Variants in SEC14L4 observed in about 807,000 individuals in gnomAD.
The protein encoded by SEC14L4 is SEC14-like protein 4.
Under a neutral mutation model 55.1 loss-of-function variants are expected in SEC14L4, and 42 were observed. The ratio of observed to expected loss-of-function variants is 0.76; its 90% CI spans 0.60 to 0.99. The LOEUF (loss-of-function observed/expected upper bound fraction) is 0.99, where lower values mean the gene tolerates loss of function less well. SEC14L4 is among the 50% of genes least tolerant of loss of function. The probability of loss-of-function intolerance (pLI) is 0.00; values close to 1 mark genes in which losing one functional copy is unlikely to be tolerated. For missense variants in SEC14L4, 445 were observed against 512.1 expected (o/e 0.87, Z 1.27); for synonymous variants, 206 against 206.8 (o/e 1.00, Z 0.03).
intron 6 of SEC14L4, 90 bp from the exon 7 acceptor site, chr22:30,494,300 G>A: frequency 1.0e-6 from 1 of 972,210 alleles, no homozygotes; most frequent in Non-Finnish European, 1.7e-6. Flanking sequence ...TGAGACAAGA[G>A]GCCCATCCCT....
chr22:30,497,611 A>T (rs1469751766), intron 2 of SEC14L4, among the ~76,000 whole-genome samples: 1 of 151,960 alleles, frequency 6.6e-6, no homozygotes, highest in African/African-American at 2.4e-5. Flanking sequence ...CACAGAAGAC[A>T]TTACCATTCC....
chr22:30,501,842 C>T (rs112594539), intron 2 of SEC14L4, among the ~76,000 whole-genome samples: 9 of 66,870 alleles, frequency 1.3e-4, no homozygotes, highest in Admixed American at 2.2e-4. Flanking sequence ...TACACACACA[C>T]GCACATATAT....
At position 30,504,463 on chromosome 22, in the gene SEC14L4, CAAGT is replaced by C. The variant is rs1394380899; in HGVS notation, c.55-715_55-712del. Among the ~76,000 whole-genome samples, 4 of 152,268 alleles carry C rather than the reference CAAGT, an allele frequency of 2.6e-5. No homozygotes were observed. In the East Asian group the frequency reaches 7.7e-4, roughly 29 times the overall value. ...CATCTTGAGGGTTTAGATTTAGAGGCAAGTTACCAAACCTCTCTAAGCCTCAGTT... is the reference window on the plus strand; with the variant it reads ...CATCTTGAGGGTTTAGATTTAGAGGCTACCAAACCTCTCTAAGCCTCAGTT... On this transcript the variant is annotated intron_variant, in intron 1 of 11. Coordinates refer to ENST00000255858, the MANE Select transcript of SEC14L4 (RefSeq NM_174977.4).
In SEC14L4 at chr22:30,495,652, C is replaced by T; in HGVS notation, c.175-10G>A. The T allele has an allele frequency of 6.2e-7, 1 of 1,614,012 alleles. No individual in the cohort carries two copies. On this transcript the variant is annotated splice_polypyrimidine_tract_variant and intron_variant, in intron 3 of 11. Coordinates refer to ENST00000255858, the MANE Select transcript of SEC14L4 (RefSeq NM_174977.4). The stretch of plus-strand genomic sequence containing the variant: ...TCCGGAACTCCATGTGCTGCAGGAA[C>T]ACAGCAGGAGCTATAGGATTTTGCA...
intron 2 of SEC14L4, among the ~76,000 whole-genome samples, chr22:30,496,730 T>C (rs1464437937): frequency 6.6e-6 from 1 of 152,224 alleles, no homozygotes; most frequent in Admixed American, 6.5e-5. Flanking sequence ...ATGAGAACAC[T>C]ATCTGTTTCA....
intron 4 of SEC14L4, 56 bp downstream of exon 4, chr22:30,495,527 G>C: frequency 6.2e-7 from 1 of 1,610,144 alleles, no homozygotes. Context: ...TGGTAGGTGG[G>C]AGATGTCAGG....
intron 8 of SEC14L4, 89 bp from the exon 9 acceptor site, chr22:30,492,244 T>C (rs1262457343): frequency 4.7e-6 from 7 of 1,493,490 alleles, no homozygotes; most frequent in East Asian, 4.9e-5. Flanking sequence ...GAACCTGATA[T>C]GTCCTGGGCG....
chr22:30,505,015 C>T (rs1365013949), intron 1 of SEC14L4, among the ~76,000 whole-genome samples: 1 of 151,654 alleles, frequency 6.6e-6, no homozygotes, highest in East Asian at 1.9e-4. Flanking sequence ...ACCTGTAGCC[C>T]CAGCTACTTG....
intron 2 of SEC14L4, among the ~76,000 whole-genome samples, chr22:30,501,846 C>CATATATATATATATATATATAT (rs3067218): frequency 4.6e-4 from 52 of 111,880 alleles, no homozygotes; most frequent in African/African-American, 5.6e-4. Flanking sequence ...CACACACGCA[C>CATATATATATATATATATATAT]ATATATATAT....
At chr22:30,492,619 C>T (rs1936003035) in intron 7 of SEC14L4, 62 bp from the exon 8 acceptor site, 2 of 1,284,110 alleles carry the variant, frequency 1.6e-6, no homozygotes, top group South Asian at 1.2e-5. Context: ...TACAGAGCCA[C>T]AGCCAAGAGC....
rs76073588 is a variant in SEC14L4, at chr22:30,491,568, C to T, written c.1081+5G>A. 27,385 of 1,614,076 alleles carry T rather than the reference C, an allele frequency of 0.017. 302 individuals carry two copies. Among genetic ancestry groups the T allele is most frequent in the Non-Finnish European group, 0.021 (24,471 of 1,179,972 alleles). On this transcript the variant is annotated splice_donor_5th_base_variant and intron_variant, in intron 11 of 11. Transcript: ENST00000255858. The stretch of plus-strand genomic sequence containing the variant: ...AACAATTCCAGTAAACCCCGCAGCT[C>T]TTACAGACGCCAGCCTGGAGGCAGG...
At position 30,494,204 on chromosome 22, in the gene SEC14L4, TA is replaced by T; in HGVS notation, c.525del (p.Phe175LeufsTer12). On this transcript the variant is annotated frameshift_variant, in exon 7 of 12. Transcript: ENST00000255858. LOFTEE classifies it high-confidence loss of function. ...KPAVEVYQQF[F>X]SILEANYPET... ...TCAGGATAATTTGCTTCCAGGATGC[TA>T]AAAAACTGTGGAGTCAAGATGAGTC... 6.2e-7 allele frequency: 1 copy of T among 1,613,296 alleles called. No homozygotes were observed. Among genetic ancestry groups the T allele is most frequent in the Non-Finnish European group, 8.5e-7 (1 of 1,179,276 alleles).
chr22:30,500,754 ATTTTT>A (rs531954470), intron 2 of SEC14L4, among the ~76,000 whole-genome samples: 2 of 79,472 alleles, frequency 2.5e-5, no homozygotes, highest in Non-Finnish European at 2.3e-5. Flanking sequence ...TGAGAACAGA[ATTTTT>A]TTTTTTTTTT....
Position 30,495,144 on chromosome 22 carries a change from C to T in SEC14L4, c.423+110G>A, listed in dbSNP as rs1936097348. On this transcript the variant is annotated intron_variant, in intron 5 of 11. Coordinates refer to ENST00000255858, the MANE Select transcript of SEC14L4 (RefSeq NM_174977.4). The stretch of plus-strand genomic sequence containing the variant: ...GGTAAGGGTGGGAGAAGCCCACATT[C>T]CACCAGAGCCCTGGGTGCTGAGGGC... The T allele has an allele frequency of 4.3e-6, 5 of 1,167,230 alleles. 1 individual carries two copies. The South Asian group carries it at 7.6e-5, about 18-fold the overall frequency. 72.3% of individuals were successfully genotyped at this position (1,167,230 alleles called of 1,614,324 possible).
At chr22:30,496,267 C>T (rs1468719769) in intron 2 of SEC14L4, among the ~76,000 whole-genome samples, 1 of 151,006 alleles carries the variant, frequency 6.6e-6, no homozygotes, top group Non-Finnish European at 1.5e-5. Context: ...GCCACACCAC[C>T]ATGCCTGGCT....
At chr22:30,498,454 A>G (rs1332350888) in intron 2 of SEC14L4, among the ~76,000 whole-genome samples, 1 of 152,062 alleles carries the variant, frequency 6.6e-6, no homozygotes, top group Non-Finnish European at 1.5e-5. Flanking sequence ...TGAGTTCTAG[A>G]GGTTTTCTGT....
At chr22:30,502,769 T>C (rs1028878368) in intron 2 of SEC14L4, among the ~76,000 whole-genome samples, 1 of 152,216 alleles carries the variant, frequency 6.6e-6, no homozygotes, top group Non-Finnish European at 1.5e-5. Flanking sequence ...CAGGCTGGTC[T>C]TGAACTCCTG....
Position 30,495,935 on chromosome 22 carries a change from A to G in SEC14L4, c.167T>C (p.Leu56Pro). 6.2e-7 allele frequency: 1 copy of G among 1,614,000 alleles called. No homozygotes were observed. Residue 56 changes from leucine (L) to proline (P), a missense_variant, in exon 3 of 12, where the codon CTC becomes CCC. Physicochemically the swap from Leu to Pro is moderately conservative, Grantham distance 98 (BLOSUM62 -3). Coordinates refer to ENST00000255858, the MANE Select transcript of SEC14L4 (RefSeq NM_174977.4). The stretch of plus-strand genomic sequence containing the variant: ...GGGATCACAGATCCTTACCCTTCGG[A>G]GCATGTCTTCGGATTTCTGCAGGTC... ...NFDLQKSEDMLRRHMEFRKQQ... is the reference protein window; with the variant it reads ...NFDLQKSEDMPRRHMEFRKQQ...
chr22:30,492,726 A>G, intron 7 of SEC14L4, 169 bp from the exon 8 acceptor site: 2 of 611,560 alleles, frequency 3.3e-6, no homozygotes, highest in Non-Finnish European at 5.9e-6. Flanking sequence ...TAGTGCAGTT[A>G]ACTGGAAAAT....
Sources: gnomAD v4.1 joint callset for allele counts (sites outside exome capture counted in the v4.1 genomes callset) on GRCh38, gnomAD v4.1.1 for gene constraint, MANE v1.5 for transcripts, NCBI Gene and HGNC (gene_info 2026-07-23, HGNC 2026-07-21) for gene names.